DAB1: variants seen among roughly 807,000 people sequenced by gnomAD.
DAB1 encodes the protein DAB adaptor protein 1.
A neutral mutation model predicts 64.6 loss-of-function variants in DAB1; 15 were observed. The ratio of observed to expected loss-of-function variants is 0.23; its 90% CI spans 0.16 to 0.36. DAB1 has a LOEUF of 0.36. Among genes scored for constraint, DAB1 ranks in the 10% least tolerant of loss-of-function variants. DAB1 has a pLI of 1.00. For missense variants in DAB1, 596 were observed against 706.7 expected, an observed-to-expected ratio of 0.84 and a Z score of 1.78; for synonymous variants, 235 against 251.9, an observed-to-expected ratio of 0.93 and a Z score of 0.64.
intron 7 of DAB1, among the ~76,000 whole-genome samples, chr1:57,456,036 C>T (rs1019177890): frequency 2.6e-5 from 4 of 152,086 alleles, no homozygotes; most frequent in African/African-American, 4.8e-5. Flanking sequence ...GTGGATGCAA[C>T]GAACAAAAGC....
intron 1 of DAB1, chr1:57,867,069 C>G (rs1654333662): frequency 6.6e-6 from 1 of 152,152 alleles, no homozygotes; most frequent in South Asian, 2.1e-4. Context: ...AGGCATTTAC[C>G]AAATTGCAAA....
chr1:57,594,201 T>G (rs1171187933), intron 7 of DAB1, among the ~76,000 whole-genome samples: 2 of 152,332 alleles, frequency 1.3e-5, no homozygotes. Context: ...GGTATTCTTG[T>G]GCTCTACATA....
intron 4 of DAB1, among the ~76,000 whole-genome samples, chr1:58,325,397 C>T (rs1662797605): frequency 1.3e-5 from 2 of 152,194 alleles, no homozygotes. Context: ...TTGAATGAAC[C>T]TCCTTACCTC....
intron 7 of DAB1, among the ~76,000 whole-genome samples, chr1:57,544,026 T>C (rs1421727791): frequency 6.6e-6 from 1 of 152,148 alleles, no homozygotes; most frequent in African/African-American, 2.4e-5. Flanking sequence ...GAGGATCATC[T>C]GAGGTAGAAG....
At chr1:58,453,581 C>G (rs114827145) in intron 3 of DAB1, among the ~76,000 whole-genome samples, 1 of 152,144 alleles carries the variant, frequency 6.6e-6, no homozygotes, top group Non-Finnish European at 1.5e-5. Flanking sequence ...TGACCCGAGG[C>G]GTGCTGCAAA....
intron 4 of DAB1, among the ~76,000 whole-genome samples, chr1:58,332,832 T>C (rs1305836709): frequency 6.6e-6 from 1 of 152,342 alleles, no homozygotes; most frequent in East Asian, 1.9e-4. Flanking sequence ...TTATTTTCTC[T>C]CATACTTTCA....
intron 3 of DAB1, among the ~76,000 whole-genome samples, chr1:58,488,617 A>G (rs1352189079): frequency 1.3e-5 from 2 of 151,662 alleles, no homozygotes; most frequent in African/African-American, 4.9e-5. Context: ...ATGTCTCGCT[A>G]ATTTTTGTAT....
chr1:57,240,969 T>A (rs1288851527), intron 2 of DAB1, among the ~76,000 whole-genome samples: 1 of 152,208 alleles, frequency 6.6e-6, no homozygotes, highest in Non-Finnish European at 1.5e-5. Flanking sequence ...TAGCTATGCA[T>A]ATCTGCTCAT....
chr1:57,474,989 G>A (rs529234955), intron 7 of DAB1, among the ~76,000 whole-genome samples: 1 of 152,292 alleles, frequency 6.6e-6, no homozygotes, highest in East Asian at 1.9e-4. Flanking sequence ...GCTGGGCAGG[G>A]TGGCTCACAC....
At chr1:58,512,707 T>C (rs148294932) in intron 2 of DAB1, among the ~76,000 whole-genome samples, 55 of 152,188 alleles carry the variant, frequency 3.6e-4, no homozygotes, top group African/African-American at 1.3e-3. Flanking sequence ...AGCAAGCTTG[T>C]AGAAGTAGAG....
chr1:58,131,965 T>C (rs1653619758), intron 5 of DAB1, among the ~76,000 whole-genome samples: 1 of 151,802 alleles, frequency 6.6e-6, no homozygotes, highest in Admixed American at 6.5e-5. Context: ...GCAGGCCTCC[T>C]TGAGCTGTGG....
intron 5 of DAB1, among the ~76,000 whole-genome samples, chr1:57,915,847 C>A (rs1211310643): frequency 1.3e-5 from 2 of 152,160 alleles, no homozygotes; most frequent in Non-Finnish European, 2.9e-5. Flanking sequence ...AAAAGTTCAT[C>A]TTGGGAAGAG....
chr1:58,409,011 CTCACACAGAGGTGA>C (rs1644642893), intron 3 of DAB1, among the ~76,000 whole-genome samples: 1 of 152,140 alleles, frequency 6.6e-6, no homozygotes, highest in Non-Finnish European at 1.5e-5. Context: ...AAAGGTAAGA[CTCACACAGAGGTGA>C]TCACGTGAAA....
chr1:58,018,344 T>C (rs1320542608), intron 5 of DAB1, among the ~76,000 whole-genome samples: 1 of 152,158 alleles, frequency 6.6e-6, no homozygotes, highest in African/African-American at 2.4e-5. Context: ...TGTCCTAATG[T>C]CCCCAGGTCT....
intron 5 of DAB1, among the ~76,000 whole-genome samples, chr1:57,917,586 C>A (rs960115532): frequency 2.0e-5 from 3 of 152,074 alleles, no homozygotes; most frequent in Non-Finnish European, 4.4e-5. Context: ...CCATTTTCCC[C>A]CTTAGAGAGA....
intron 7 of DAB1, among the ~76,000 whole-genome samples, chr1:57,508,331 A>G (rs780051987): frequency 3.9e-5 from 6 of 152,316 alleles, no homozygotes; most frequent in Non-Finnish European, 7.3e-5. Flanking sequence ...GAACTCGAAC[A>G]CCTAGAATAG....
Position 57,321,517 on chromosome 1 carries a change from G to T in DAB1, c.-136-30351C>A, listed in dbSNP as rs899022902. ...AGCCTTCGCATCCAGCTCTCTATCA[G>T]ACTTTTTATACATGGGCGTGTAAAG... On this transcript the variant is annotated intron_variant, in intron 1 of 14. Coordinates refer to ENST00000371236, the MANE Select transcript of DAB1 (RefSeq NM_001365792.1). Among the ~76,000 whole-genome samples the T allele has an allele frequency of 2.6e-5, 4 of 152,002 alleles. No individual in the cohort carries two copies. In the East Asian group the frequency reaches 7.7e-4, roughly 29 times the overall value.
intron 2 of DAB1, among the ~76,000 whole-genome samples, chr1:57,197,357 A>G (rs975269940): frequency 4.1e-5 from 6 of 146,862 alleles, no homozygotes; most frequent in African/African-American, 1.5e-4. Context: ...AAAAAAAAAA[A>G]AGAAAGAAAG....
intron 6 of DAB1, among the ~76,000 whole-genome samples, chr1:57,794,471 A>T (rs1650747913): frequency 6.6e-6 from 1 of 151,986 alleles, no homozygotes; most frequent in Non-Finnish European, 1.5e-5. Context: ...TCTTCTTGGG[A>T]TGTTCTACAT....
Sources: gnomAD v4.1 joint callset for allele counts (sites outside exome capture counted in the v4.1 genomes callset) on GRCh38, gnomAD v4.1.1 for gene constraint, MANE v1.5 for transcripts, NCBI Gene and HGNC (gene_info 2026-07-23, HGNC 2026-07-21) for gene names.